The following ZFHX3 variants were observed in gnomAD, a reference collection of about 807,000 sequenced individuals.
ZFHX3 encodes zinc finger homeobox 3.
ZFHX3 carries 42 observed loss-of-function variants against 279.1 expected under a neutral mutation model. That is an observed-to-expected ratio of 0.15 (90% CI 0.12 to 0.19). The LOEUF (loss-of-function observed/expected upper bound fraction) is 0.19. Ranked by LOEUF, ZFHX3 falls within the 10% of genes least tolerant of loss-of-function variation. The pLI, the probability that ZFHX3 is intolerant of heterozygous loss-of-function variation, is 1.00. For synonymous variants in ZFHX3, 2,293 were observed against 1,957.8 expected (o/e 1.17, Z -4.52); for missense variants, 4,981 against 4,754.0 (o/e 1.05, Z -1.40).
chr16:72,929,825 G>A (rs981649786), intron 3 of ZFHX3, among the ~76,000 whole-genome samples: 2 of 152,256 alleles, frequency 1.3e-5, no homozygotes, highest in African/African-American at 2.4e-5. Flanking sequence ...AAAGGAGACC[G>A]CATCAATTAT....
intron 4 of ZFHX3, among the ~76,000 whole-genome samples, chr16:73,297,760 A>G (rs1276432966): frequency 6.6e-6 from 1 of 152,050 alleles, no homozygotes; most frequent in Non-Finnish European, 1.5e-5. Context: ...CAAGTTATAG[A>G]ACCTCTCTGA....
chr16:73,715,321 G>A (rs928940277), intron 1 of ZFHX3, among the ~76,000 whole-genome samples: 1 of 152,156 alleles, frequency 6.6e-6, no homozygotes, highest in Non-Finnish European at 1.5e-5. Context: ...GGCATAGTAT[G>A]GCTATGAACA....
At chr16:72,968,963 T>C (rs960337862) in intron 1 of ZFHX3, among the ~76,000 whole-genome samples, 1 of 152,192 alleles carries the variant, frequency 6.6e-6, no homozygotes, top group Non-Finnish European at 1.5e-5. Context: ...TACACACATA[T>C]ATATGTACCT....
chr16:72,924,718 G>A (rs562677125), intron 3 of ZFHX3, among the ~76,000 whole-genome samples: 6 of 152,246 alleles, frequency 3.9e-5, no homozygotes, highest in African/African-American at 1.4e-4. Flanking sequence ...CTGTCAGTGT[G>A]TTAATGTGTG....
At chr16:73,240,844 G>C (rs1567427508) in intron 5 of ZFHX3, among the ~76,000 whole-genome samples, 1 of 152,172 alleles carries the variant, frequency 6.6e-6, no homozygotes, top group Non-Finnish European at 1.5e-5. Flanking sequence ...GTAGAGTTTT[G>C]CTTATTTCCA....
intron 5 of ZFHX3, among the ~76,000 whole-genome samples, chr16:73,237,179 C>T (rs754213073): frequency 6.6e-6 from 1 of 152,080 alleles, no homozygotes; most frequent in Non-Finnish European, 1.5e-5. Context: ...TAATCTGGTG[C>T]CATTTTAGTA....
intron 2 of ZFHX3, among the ~76,000 whole-genome samples, chr16:73,463,806 C>A (rs570836343): frequency 6.6e-6 from 1 of 152,246 alleles, no homozygotes; most frequent in African/African-American, 2.4e-5. Flanking sequence ...ACAGAAGGGG[C>A]GTTCGTTACA....
At chr16:73,019,306 T>G (rs1964211775) in intron 1 of ZFHX3, among the ~76,000 whole-genome samples, 1 of 151,934 alleles carries the variant, frequency 6.6e-6, no homozygotes, top group African/African-American at 2.4e-5. Context: ...GAAGGGCCTC[T>G]GAATCCTCCA....
At chr16:73,639,004 C>T (rs1043173621) in intron 2 of ZFHX3, among the ~76,000 whole-genome samples, 1 of 152,110 alleles carries the variant, frequency 6.6e-6, no homozygotes, top group African/African-American at 2.4e-5. Flanking sequence ...TATATATTAG[C>T]ATTGTGTTAG....
chr16:73,752,408 C>T (rs1040381241), intron 1 of ZFHX3, among the ~76,000 whole-genome samples: 3 of 152,130 alleles, frequency 2.0e-5, no homozygotes, highest in African/African-American at 7.2e-5. Context: ...ATCACAAATT[C>T]CAGAGTTTCC....
chr16:73,065,355 G>A (rs1256470739), intron 8 of ZFHX3, among the ~76,000 whole-genome samples: 1 of 152,090 alleles, frequency 6.6e-6, no homozygotes, highest in African/African-American at 2.4e-5. Context: ...TTAATGGCCA[G>A]GGAATTGAGT....
Position 73,422,908 on chromosome 16 carries a change from G to A in ZFHX3, c.-1291+33095C>T, listed in dbSNP as rs114658665. 5.5e-3 allele frequency among the ~76,000 whole-genome samples: 840 copies of A among 152,318 alleles called. 6 individuals carry two copies. Among genetic ancestry groups the A allele is most frequent in the African/African-American group, 0.019 (800 of 41,566 alleles). On this transcript the variant is annotated intron_variant, in intron 3 of 17. Transcript: ENST00000641206. Reference sequence around the variant, plus strand: ...TTTCTCTGTGAGAAAGAAGGCTACAGGTTCTGGGAGGGTAGACATCTGAGA... The same window carrying A: ...TTTCTCTGTGAGAAAGAAGGCTACAAGTTCTGGGAGGGTAGACATCTGAGA...
intron 7 of ZFHX3, among the ~76,000 whole-genome samples, chr16:73,108,385 G>A (rs953488328): frequency 3.3e-5 from 5 of 151,790 alleles, no homozygotes; most frequent in East Asian, 1.9e-4. Flanking sequence ...GGAGGAAGAC[G>A]ATGAAGAGGA....
rs752482924 is a variant in ZFHX3 at position 72,796,967 on chromosome 16, C to A, written c.5715G>T (p.Pro1905=). 3.1e-6 allele frequency: 5 copies of A among 1,614,000 alleles called. No individual in the cohort carries two copies. In the East Asian group the frequency reaches 8.9e-5, roughly 29 times the overall value. The change falls in exon 9 of 10, where the codon CCG becomes CCT. Residue 1905 remains proline, a synonymous_variant. Coordinates refer to ENST00000268489, the MANE Select transcript of ZFHX3 (RefSeq NM_006885.4). ...SAEGGEGNTG[P]KETLPDALKA... is the part of the protein sequence containing the mutation. Reference sequence around the variant, plus strand: ...TCAAGGCATCTGGCAGTGTTTCCTTCGGACCGGTGTTGCCCTCTCCCCCCT... The same window carrying A: ...TCAAGGCATCTGGCAGTGTTTCCTTAGGACCGGTGTTGCCCTCTCCCCCCT...
At chr16:73,277,470 G>A (rs932637112) in intron 4 of ZFHX3, among the ~76,000 whole-genome samples, 3 of 152,098 alleles carry the variant, frequency 2.0e-5, no homozygotes, top group African/African-American at 7.2e-5. Context: ...AAATCCGAAA[G>A]CATGATAGTA....
chr16:73,226,156 A>C (rs1395938697), intron 5 of ZFHX3, among the ~76,000 whole-genome samples: 1 of 152,214 alleles, frequency 6.6e-6, no homozygotes, highest in African/African-American at 2.4e-5. Context: ...AGTCACTATA[A>C]ATAGCCATGT....
chr16:73,037,480 G>A (rs893741371), intron 1 of ZFHX3, among the ~76,000 whole-genome samples: 3 of 152,116 alleles, frequency 2.0e-5, no homozygotes, highest in Admixed American at 6.5e-5. Context: ...TGGCCAGCCC[G>A]GCGACAGTTT....
At chr16:73,101,471 C>G (rs1966229507) in intron 7 of ZFHX3, among the ~76,000 whole-genome samples, 1 of 152,182 alleles carries the variant, frequency 6.6e-6, no homozygotes, top group South Asian at 2.1e-4. Context: ...TTCCGTCTCC[C>G]TGGTTCGAGC....
intron 3 of ZFHX3, among the ~76,000 whole-genome samples, chr16:73,376,601 G>A (rs1011966710): frequency 5.3e-5 from 8 of 152,130 alleles, no homozygotes; most frequent in Non-Finnish European, 1.2e-4. Flanking sequence ...TGCATCATTG[G>A]CTGGAGTCAA....
Sources: allele counts gnomAD v4.1 joint callset (sites outside exome capture counted in the v4.1 genomes callset), GRCh38; gene constraint gnomAD v4.1.1; transcripts MANE v1.5; gene names NCBI Gene and HGNC (gene_info 2026-07-23, HGNC 2026-07-21).